Variants in ADSS2 observed in about 807,000 individuals in gnomAD.
ADSS2 encodes adenylosuccinate synthetase isozyme 2.
ADSS2 carries 30 observed loss-of-function variants against 60.0 expected under a neutral mutation model. The observed-to-expected ratio is 0.50, with a 90% CI of 0.37 to 0.68. The LOEUF (loss-of-function observed/expected upper bound fraction) is 0.68, where lower values mean the gene tolerates loss of function less well. Among genes scored for constraint, ADSS2 ranks in the 30% least tolerant of loss-of-function variants. ADSS2 has a pLI of 0.00. For synonymous variants in ADSS2, 187 were observed against 193.1 expected, an observed-to-expected ratio of 0.97 and a Z score of 0.26; for missense variants, 373 against 554.8, an observed-to-expected ratio of 0.67 and a Z score of 3.29.
At chr1:244,420,343 T>G in intron 7 of ADSS2, 47 bp from the exon 8 acceptor site, 1 of 1,506,872 alleles carries the variant, frequency 6.6e-7, no homozygotes, top group Non-Finnish European at 9.0e-7. Context: ...TAATAAACGT[T>G]TAACATAACC....
intron 6 of ADSS2, among the ~76,000 whole-genome samples, chr1:244,423,685 A>T (rs142254155): frequency 7.9e-4 from 121 of 152,236 alleles, no homozygotes; most frequent in Admixed American, 2.4e-3. Flanking sequence ...TTCTCAGGAA[A>T]CCATTCCATA....
intron 1 of ADSS2, among the ~76,000 whole-genome samples, chr1:244,441,347 T>C (rs1183530286): frequency 1.3e-5 from 2 of 152,178 alleles, no homozygotes; most frequent in East Asian, 1.9e-4. Flanking sequence ...CGTGAGCCAC[T>C]GCGCCCGGCC....
At chr1:244,432,014 T>G (rs1422820634) in intron 4 of ADSS2, among the ~76,000 whole-genome samples, 1 of 152,252 alleles carries the variant, frequency 6.6e-6, no homozygotes, top group Non-Finnish European at 1.5e-5. Context: ...ATTTCTTTTC[T>G]GGTTATTGTC....
intron 1 of ADSS2, among the ~76,000 whole-genome samples, chr1:244,437,995 T>C (rs926604019): frequency 6.6e-6 from 1 of 152,060 alleles, no homozygotes; most frequent in Non-Finnish European, 1.5e-5. Flanking sequence ...AATTGGGGAA[T>C]TCAGGTTTCT....
At chr1:244,422,677 C>T (rs1332323375) in intron 7 of ADSS2, among the ~76,000 whole-genome samples, 158 bp downstream of exon 7, 1 of 152,166 alleles carries the variant, frequency 6.6e-6, no homozygotes, top group Non-Finnish European at 1.5e-5. Context: ...AATATTTTGT[C>T]TAAGCCATAT....
intron 7 of ADSS2, among the ~76,000 whole-genome samples, chr1:244,422,088 C>CT (rs1371829915): frequency 2.6e-5 from 4 of 152,150 alleles, no homozygotes; most frequent in Non-Finnish European, 5.9e-5. Flanking sequence ...TTAGAATGTT[C>CT]TTTGTAGGTC....
chr1:244,417,576 G>A, intron 10 of ADSS2, 52 bp downstream of exon 10: 4 of 1,592,554 alleles, frequency 2.5e-6, no homozygotes, highest in Non-Finnish European at 3.4e-6. Context: ...TAAACCTATG[G>A]CCATTAATCA....
chr1:244,433,704 A>T (rs1033228617), intron 3 of ADSS2, among the ~76,000 whole-genome samples: 1 of 151,990 alleles, frequency 6.6e-6, no homozygotes, highest in African/African-American at 2.4e-5. Context: ...CTAAAAATAC[A>T]AAAATTAGCT....
At chr1:244,439,664 C>A (rs1009405331) in intron 1 of ADSS2, among the ~76,000 whole-genome samples, 1 of 152,202 alleles carries the variant, frequency 6.6e-6, no homozygotes, top group Non-Finnish European at 1.5e-5. Context: ...CGGTGTCTCA[C>A]TAGGTCACAT....
chr1:244,415,619 G>C (rs1664510884), intron 11 of ADSS2, among the ~76,000 whole-genome samples: 1 of 152,136 alleles, frequency 6.6e-6, no homozygotes, highest in African/African-American at 2.4e-5. Flanking sequence ...GCTTAACAAG[G>C]GCTCTTCTTA....
At chr1:244,449,788 A>C (rs1307015719) in intron 1 of ADSS2, among the ~76,000 whole-genome samples, 1 of 152,160 alleles carries the variant, frequency 6.6e-6, no homozygotes, top group Non-Finnish European at 1.5e-5. Context: ...TTGTTTCTCC[A>C]CTATCTTCAG....
chr1:244,432,458 A>G (rs1664967595), intron 4 of ADSS2, 87 bp downstream of exon 4: 1 of 1,010,424 alleles, frequency 9.9e-7, no homozygotes, highest in South Asian at 1.6e-5. Context: ...AATAAAAATA[A>G]AAGACAAAAT....
rs553445696 is a variant in ADSS2 at position 244,412,099 on chromosome 1, G to A, written c.1169-663C>T. Among the ~76,000 whole-genome samples, 3 of 152,302 alleles carry A rather than the reference G, an allele frequency of 2.0e-5. No homozygotes were observed. In the East Asian group the frequency reaches 5.8e-4, roughly 29 times the overall value. On this transcript the variant is annotated intron_variant, in intron 11 of 12. Coordinates refer to ENST00000366535, the MANE Select transcript of ADSS2 (RefSeq NM_001126.5). ...CAAAGGGAGCTGCTGCCCCCCAGCA[G>A]CCCATATCCATTGACTTGTCAATGT...
intron 11 of ADSS2, among the ~76,000 whole-genome samples, chr1:244,412,541 C>A (rs1664439041): frequency 6.6e-6 from 1 of 152,174 alleles, no homozygotes; most frequent in African/African-American, 2.4e-5. Flanking sequence ...AACAACAGAA[C>A]TGGATGGCTT....
In ADSS2 at chr1:244,408,965, A is replaced by T. The variant is rs1664346084; in HGVS notation, c.*621T>A. The T allele has an allele frequency of 6.6e-6, 1 of 152,626 alleles. No homozygotes were observed. Among genetic ancestry groups the T allele is most frequent in the African/African-American group, 2.4e-5 (1 of 41,440 alleles). 9.5% of individuals were successfully genotyped at this position (152,626 alleles called of 1,614,324 possible). The stretch of plus-strand genomic sequence containing the variant: ...ATGTATTAAATAACTGACAGAAATA[A>T]GTTCTGTGTTCTGTACAAATTAAAG... On this transcript the variant is annotated 3_prime_UTR_variant, in exon 13 of 13. Coordinates refer to ENST00000366535, the MANE Select transcript of ADSS2 (RefSeq NM_001126.5).
chr1:244,447,474 T>C (rs952231965), intron 1 of ADSS2, among the ~76,000 whole-genome samples: 2 of 152,196 alleles, frequency 1.3e-5, no homozygotes, highest in African/African-American at 4.8e-5. Flanking sequence ...GACAGGATAC[T>C]ATATTTACTA....
Position 244,417,716 on chromosome 1 carries a change from A to G in ADSS2, c.982T>C (p.Phe328Leu), listed in dbSNP as rs1572130740. 6.2e-7 allele frequency: 1 copy of G among 1,613,460 alleles called. No homozygotes were observed. The highest frequency in any genetic ancestry group is 2.2e-5 in the East Asian group (1 of 44,858). Reference protein sequence around the residue: ...GELLQTRGREFGVTTGRKRRC... With the variant: ...GELLQTRGRELGVTTGRKRRC... Reference sequence around the variant, plus strand: ...CTTTTCCTTCCAGTAGTTACACCAAACTCTCTACCCCTTGTTTGTAATAAT... The same window carrying G: ...CTTTTCCTTCCAGTAGTTACACCAAGCTCTCTACCCCTTGTTTGTAATAAT... The change falls in exon 10 of 13, where the codon TTT (phenylalanine) becomes CTT (leucine). Residue 328 changes from phenylalanine (F) to leucine (L), a missense_variant. Phe to Leu is a conservative substitution (Grantham distance 22). This residue lies in a region of ADSS2 where 130 missense variants were observed against 169.4 expected (regional missense o/e 0.77). Transcript: ENST00000366535.
At chr1:244,423,742 T>C (rs1010649637) in intron 6 of ADSS2, among the ~76,000 whole-genome samples, 1 of 152,232 alleles carries the variant, frequency 6.6e-6, no homozygotes, top group Non-Finnish European at 1.5e-5. Flanking sequence ...TAGGACATTC[T>C]ATTAAATCAC....
At chr1:244,439,740 T>C (rs2148010707) in intron 1 of ADSS2, among the ~76,000 whole-genome samples, 1 of 152,320 alleles carries the variant, frequency 6.6e-6, no homozygotes, top group South Asian at 2.1e-4. Context: ...CTGTAGTCTT[T>C]GTGGCCCAGA....
Sources: gnomAD v4.1 joint callset for allele counts (sites outside exome capture counted in the v4.1 genomes callset) on GRCh38, gnomAD v4.1.1 for gene constraint, gnomAD v4.1.1 regional missense constraint, MANE v1.5 for transcripts, NCBI Gene and HGNC (gene_info 2026-07-23, HGNC 2026-07-21) for gene names.